Variants in SULF1 observed in about 807,000 individuals in gnomAD.
The protein encoded by SULF1 is sulfatase 1.
In SULF1, 46 loss-of-function variants were observed where a neutral mutation model predicts 110.5. That is an observed-to-expected ratio of 0.42 (90% CI 0.33 to 0.53). The LOEUF (loss-of-function observed/expected upper bound fraction) is 0.53, where lower values mean the gene tolerates loss of function less well. SULF1 is among the 20% of genes least tolerant of loss of function. The probability of loss-of-function intolerance (pLI) is 0.12; values close to 1 mark genes in which losing one functional copy is unlikely to be tolerated. For synonymous variants in SULF1, 371 were observed against 387.1 expected (o/e 0.96, Z 0.49); for missense variants, 941 against 1,094.2 (o/e 0.86, Z 1.98).
rs192641000 is a variant in SULF1 at position 69,647,944 on chromosome 8, T to C, written c.2585+7103T>C. Among the ~76,000 whole-genome samples the C allele has an allele frequency of 2.5e-3, 382 of 151,498 alleles. 5 individuals carry two copies. The highest frequency in any genetic ancestry group is 5.3e-4 in the Non-Finnish European group (36 of 67,762). On this transcript the variant is annotated intron_variant, in intron 22 of 22. Transcript: ENST00000402687. The stretch of plus-strand genomic sequence containing the variant: ...TTACTATGGCCAATTCTGATTTTGG[T>C]GTCCTGCTAGTATCAAAAAGCCAAT...
intron 3 of SULF1, among the ~76,000 whole-genome samples, chr8:69,519,837 C>A (rs1017818609): frequency 1.3e-5 from 2 of 152,050 alleles, no homozygotes; most frequent in African/African-American, 4.8e-5. Context: ...CAGCTATCTT[C>A]TAATAATTAA....
intron 3 of SULF1, among the ~76,000 whole-genome samples, chr8:69,532,797 T>C (rs987636609): frequency 2.0e-5 from 3 of 152,232 alleles, no homozygotes; most frequent in South Asian, 2.1e-4. Flanking sequence ...TCCACATTCA[T>C]TGAACAGCAA....
chr8:69,654,494 G>A (rs951655295), intron 22 of SULF1, among the ~76,000 whole-genome samples: 1 of 152,238 alleles, frequency 6.6e-6, no homozygotes, highest in Non-Finnish European at 1.5e-5. Flanking sequence ...GCCAGATGGG[G>A]TGAAGGCACA....
chr8:69,519,501 T>C (rs1812149909), intron 3 of SULF1, among the ~76,000 whole-genome samples: 1 of 152,038 alleles, frequency 6.6e-6, no homozygotes, highest in African/African-American at 2.4e-5. Flanking sequence ...AATGCTAGAG[T>C]CAGGTTAGTT....
chr8:69,650,793 C>A (rs989218835), intron 22 of SULF1, among the ~76,000 whole-genome samples: 2 of 152,146 alleles, frequency 1.3e-5, no homozygotes, highest in Non-Finnish European at 2.9e-5. Flanking sequence ...GAAGCATCCT[C>A]ATCATTTTTT....
At chr8:69,574,180 C>T (rs1174556186) in intron 5 of SULF1, among the ~76,000 whole-genome samples, 1 of 152,258 alleles carries the variant, frequency 6.6e-6, no homozygotes, top group Non-Finnish European at 1.5e-5. Flanking sequence ...GTCTTTGACA[C>T]AGAACATAAC....
chr8:69,567,818 G>C (rs74439348), intron 5 of SULF1, among the ~76,000 whole-genome samples: 7,448 of 152,126 alleles, frequency 0.049, 603 homozygotes, highest in African/African-American at 0.17. Flanking sequence ...AGAGCTCTTC[G>C]AGACCTTGCT....
chr8:69,555,016 A>G (rs866571757), intron 3 of SULF1, among the ~76,000 whole-genome samples: 13 of 148,138 alleles, frequency 8.8e-5, no homozygotes, highest in African/African-American at 3.0e-4. Context: ...AAAAAACTTC[A>G]TACATAAACT....
At chr8:69,616,107 A>ATG (rs58375413) in intron 13 of SULF1, among the ~76,000 whole-genome samples, 3,742 of 137,902 alleles carry the variant, frequency 0.027, 56 homozygotes, top group South Asian at 0.049. Context: ...ACACACATAT[A>ATG]TGTGTGTGTA....
intron 3 of SULF1, among the ~76,000 whole-genome samples, chr8:69,510,376 A>G (rs1811471613): frequency 6.6e-6 from 1 of 152,164 alleles, no homozygotes; most frequent in South Asian, 2.1e-4. Flanking sequence ...GCTAACTGTG[A>G]CTTAATTTCT....
Position 69,658,886 on chromosome 8 carries a change from C to T in SULF1, c.*351C>T, listed in dbSNP as rs1409780886. ...CTTCAAACCCTGCATTTGAACCGAC[C>T]AACATTAAGTCCAGAGAGTAAACTT... On this transcript the variant is annotated 3_prime_UTR_variant, in exon 23 of 23. Coordinates refer to ENST00000402687, the MANE Select transcript of SULF1 (RefSeq NM_001128205.2). The T allele has an allele frequency of 6.0e-6, 3 of 502,944 alleles. No homozygotes were observed. Among genetic ancestry groups the T allele is most frequent in the Non-Finnish European group, 1.2e-5 (3 of 257,518 alleles). The allele number at this position is 502,944 out of a possible 1,614,324, so 31.2% of individuals were successfully genotyped here.
intron 3 of SULF1, among the ~76,000 whole-genome samples, chr8:69,552,990 A>G (rs537577781): frequency 3.8e-4 from 58 of 152,324 alleles, no homozygotes; most frequent in African/African-American, 1.4e-3. Context: ...CAGGGACACT[A>G]TTCACTGATG....
chr8:69,507,643 A>G (rs1811288770), intron 3 of SULF1, among the ~76,000 whole-genome samples: 1 of 152,184 alleles, frequency 6.6e-6, no homozygotes, highest in African/African-American at 2.4e-5. Flanking sequence ...TTTTTTGAGG[A>G]TATTTTTACT....
intron 3 of SULF1, among the ~76,000 whole-genome samples, chr8:69,546,989 G>T (rs764507947): frequency 2.6e-5 from 4 of 152,168 alleles, no homozygotes; most frequent in Non-Finnish European, 2.9e-5. Flanking sequence ...GCTTTCCTTT[G>T]CTTGTCTGTA....
Position 69,629,695 on chromosome 8 carries a change from C to A in SULF1, c.2284+16C>A, listed in dbSNP as rs1178020165. ...TTCTGGAACCGTAAGTTGCTTGTTC[C>A]AAATGCCACTTCCTGCCGCCATGCA... On this transcript the variant is annotated intron_variant, in intron 19 of 22. Coordinates refer to ENST00000402687, the MANE Select transcript of SULF1 (RefSeq NM_001128205.2). 3 of 1,581,366 alleles carry A rather than the reference C, an allele frequency of 1.9e-6. No homozygotes were observed. Among genetic ancestry groups the A allele is most frequent in the African/African-American group, 2.7e-5 (2 of 73,766 alleles).
At chr8:69,557,877 A>G (rs1801680098) in intron 3 of SULF1, among the ~76,000 whole-genome samples, 1 of 152,182 alleles carries the variant, frequency 6.6e-6, no homozygotes, top group South Asian at 2.1e-4. Context: ...ATAGGCATAC[A>G]CTTTTCAGCT....
chr8:69,655,653 C>T (rs7836798), intron 22 of SULF1, among the ~76,000 whole-genome samples: 46,912 of 152,056 alleles, frequency 0.31, 7,493 homozygotes, highest in Admixed American at 0.41. Context: ...GTGATTCACC[C>T]GCCTCATCCT....
chr8:69,657,742 C>T (rs1461677062), intron 22 of SULF1, among the ~76,000 whole-genome samples: 1 of 152,160 alleles, frequency 6.6e-6, no homozygotes, highest in Non-Finnish European at 1.5e-5. Flanking sequence ...GGTCATTGCA[C>T]TCATCTAGGC....
Position 69,614,936 on chromosome 8 carries a change from T to C in SULF1, c.1378-6099T>C, listed in dbSNP as rs145416734. On this transcript the variant is annotated intron_variant, in intron 13 of 22. Transcript: ENST00000402687. Reference sequence around the variant, plus strand: ...TCAGACAGAAGGAGAACGGAAATAATGTAGTTGCAGAAAACAGGAAAACAA... The same window carrying C: ...TCAGACAGAAGGAGAACGGAAATAACGTAGTTGCAGAAAACAGGAAAACAA... Among the ~76,000 whole-genome samples, 289 of 152,344 alleles carry C rather than the reference T, an allele frequency of 1.9e-3. 1 individual carries two copies. Among genetic ancestry groups the C allele is most frequent in the Admixed American group, 5.8e-3 (89 of 15,304 alleles).
Sources: allele counts gnomAD v4.1 joint callset (sites outside exome capture counted in the v4.1 genomes callset), GRCh38; gene constraint gnomAD v4.1.1; transcripts MANE v1.5; gene names NCBI Gene and HGNC (gene_info 2026-07-23, HGNC 2026-07-21).